The following CAPRIN1 variants were observed in gnomAD, a reference collection of about 807,000 sequenced individuals.
CAPRIN1 encodes cell cycle associated protein 1, also known as caprin-1.
Under a neutral mutation model 100.9 loss-of-function variants are expected in CAPRIN1, and 29 were observed. The observed-to-expected ratio is 0.29, with a 90% CI of 0.21 to 0.39. CAPRIN1 has a LOEUF of 0.39. CAPRIN1 is among the 10% of genes least tolerant of loss of function. The pLI, the probability that CAPRIN1 is intolerant of heterozygous loss-of-function variation, is 1.00. For synonymous variants in CAPRIN1, 338 were observed against 307.5 expected, an observed-to-expected ratio of 1.10 and a Z score of -1.04; for missense variants, 795 against 876.7, an observed-to-expected ratio of 0.91 and a Z score of 1.18.
chr11:34,082,832 G>T lies in CAPRIN1; in HGVS notation c.834G>T (p.Glu278Asp). Reference protein sequence around the residue: ...VEDQVPEAEPEPAEEYTEQSE... With the variant: ...VEDQVPEAEPDPAEEYTEQSE... ...CATTTTTTAACCTCTTAGAACCTGAGCCAGCAGAAGAGTACACTGAGCAAA... is the reference window on the plus strand; with the variant it reads ...CATTTTTTAACCTCTTAGAACCTGATCCAGCAGAAGAGTACACTGAGCAAA... The change falls in exon 8 of 19, where the codon GAG becomes GAT. Residue 278 changes from glutamate to aspartate, a missense_variant. By Grantham distance (45) the Glu-to-Asp change is conservative. Around this residue, in one of 3 missense-constraint regions of CAPRIN1, gnomAD observed 648 missense variants for 697.9 expected, o/e 0.93. Coordinates refer to ENST00000341394, the MANE Select transcript of CAPRIN1 (RefSeq NM_005898.5). 6.2e-7 allele frequency: 1 copy of T among 1,613,482 alleles called. No homozygotes were observed. The highest frequency in any genetic ancestry group is 1.1e-5 in the South Asian group (1 of 91,060).
At chr11:34,077,898 T>C (rs1220018258) in intron 6 of CAPRIN1, among the ~76,000 whole-genome samples, 1 of 152,228 alleles carries the variant, frequency 6.6e-6, no homozygotes, top group Non-Finnish European at 1.5e-5. Flanking sequence ...TTGCTTTTAG[T>C]TCTGCAAGTT....
chr11:34,083,973 G>A (rs1851083534), intron 9 of CAPRIN1, among the ~76,000 whole-genome samples: 1 of 152,116 alleles, frequency 6.6e-6, no homozygotes, highest in South Asian at 2.1e-4. Context: ...GGAGGCTGAG[G>A]TACGAGAATC....
chr11:34,076,189 GT>G, intron 4 of CAPRIN1, 46 bp from the exon 5 acceptor site: 1 of 1,440,536 alleles, frequency 6.9e-7, no homozygotes, highest in South Asian at 1.2e-5. Context: ...ATTGAACTAA[GT>G]TTTATATAAC....
chr11:34,081,378 C>T (rs1387213045), intron 7 of CAPRIN1, among the ~76,000 whole-genome samples: 6 of 151,662 alleles, frequency 4.0e-5, no homozygotes, highest in Non-Finnish European at 7.4e-5. Context: ...TTTGTATTTT[C>T]AGTAGAGATG....
chr11:34,076,669 T>G (rs1365693783), intron 6 of CAPRIN1, 27 bp downstream of exon 6: 2 of 1,438,762 alleles, frequency 1.4e-6, no homozygotes, highest in Admixed American at 3.7e-5. Flanking sequence ...TAACTTTGAT[T>G]TTATAACTAG....
chr11:34,055,196 C>G (rs1162191435), intron 2 of CAPRIN1, among the ~76,000 whole-genome samples: 2 of 152,062 alleles, frequency 1.3e-5, no homozygotes, highest in Non-Finnish European at 2.9e-5. Flanking sequence ...GTTGCCCAGG[C>G]TGGAGTGCCC....
intron 15 of CAPRIN1, among the ~76,000 whole-genome samples, chr11:34,094,394 A>G (rs1353273457): frequency 6.6e-6 from 1 of 152,206 alleles, no homozygotes; most frequent in Non-Finnish European, 1.5e-5. Flanking sequence ...ATGTCCCATC[A>G]TTTTAGAAAT....
intron 18 of CAPRIN1, chr11:34,098,522 C>G: frequency 3.0e-6 from 3 of 985,312 alleles, no homozygotes; most frequent in Non-Finnish European, 3.6e-6. Context: ...AACAGGTTTC[C>G]TCTATTGGCC....
In CAPRIN1 at chr11:34,100,111, T is replaced by C. The variant is rs1851431331; in HGVS notation, c.*744T>C. 6.6e-6 allele frequency: 1 copy of C among 152,652 alleles called. No individual in the cohort carries two copies. The highest frequency in any genetic ancestry group is 1.5e-5 in the Non-Finnish European group (1 of 68,040). The allele number at this position is 152,652 out of a possible 1,614,324, so 9.5% of individuals were successfully genotyped here. On this transcript the variant is annotated 3_prime_UTR_variant, in exon 19 of 19. Coordinates refer to ENST00000341394, the MANE Select transcript of CAPRIN1 (RefSeq NM_005898.5). Reference sequence around the variant, plus strand: ...TCCGGATGGCCGCTTCTGTACTTAATGTGAAATATTTAGATACCTTTTTGA... The same window carrying C: ...TCCGGATGGCCGCTTCTGTACTTAACGTGAAATATTTAGATACCTTTTTGA...
chr11:34,080,061 C>T (rs1397760880), intron 7 of CAPRIN1, among the ~76,000 whole-genome samples: 14 of 151,856 alleles, frequency 9.2e-5, no homozygotes, highest in Non-Finnish European at 2.1e-4. Context: ...GCAGCTGTGA[C>T]TACAGGCGCC....
Position 34,079,680 on chromosome 11 carries a change from C to T in CAPRIN1, c.741C>T (p.Asp247=), listed in dbSNP as rs544966745. 1.1e-4 allele frequency: 175 copies of T among 1,614,000 alleles called. 2 individuals are homozygous for T. In the South Asian group the frequency reaches 1.4e-3, roughly 13 times the overall value. ...GTGTTTTTCAGTCAAACTACTTTGA[C>T]AGCACCCACAACCACCAGAATGGGC... ...VERVFQSNYF[D]STHNHQNGLC... The change falls in exon 7 of 19, where the codon GAC becomes GAT. Residue 247 remains aspartate, a synonymous_variant. Transcript: ENST00000341394.
intron 12 of CAPRIN1, among the ~76,000 whole-genome samples, chr11:34,089,731 T>G (rs1354401610): frequency 6.6e-6 from 1 of 152,140 alleles, no homozygotes; most frequent in Non-Finnish European, 1.5e-5. Flanking sequence ...TTCAGCAAAT[T>G]TATTGTTGTG....
chr11:34,089,482 C>CAGGG, intron 12 of CAPRIN1, 26 bp downstream of exon 12: 1 of 1,437,210 alleles, frequency 7.0e-7, no homozygotes, highest in Admixed American at 1.7e-5. Flanking sequence ...CTATTTTCTT[C>CAGGG]AGGGCCAGGT....
chr11:34,059,079 C>T (rs942965369), intron 2 of CAPRIN1, among the ~76,000 whole-genome samples: 1 of 152,146 alleles, frequency 6.6e-6, no homozygotes, highest in African/African-American at 2.4e-5. Flanking sequence ...CTTTCACTAG[C>T]TCTACTACAG....
Position 34,102,277 on chromosome 11 carries a change from T to C in CAPRIN1, c.*2910T>C, listed in dbSNP as rs879296421. Reference sequence around the variant, plus strand: ...TAAGTGTTTTAGGACATTTGTTCATTATATTTTCCGTCATATAACTAGAGG... The same window carrying C: ...TAAGTGTTTTAGGACATTTGTTCATCATATTTTCCGTCATATAACTAGAGG... On this transcript the variant is annotated 3_prime_UTR_variant, in exon 19 of 19. Coordinates refer to ENST00000341394, the MANE Select transcript of CAPRIN1 (RefSeq NM_005898.5). Among the ~76,000 whole-genome samples the C allele has an allele frequency of 6.6e-6, 1 of 152,216 alleles. No homozygotes were observed. The highest frequency in any genetic ancestry group is 1.5e-5 in the Non-Finnish European group (1 of 68,022).
chr11:34,097,910 T>TA, intron 18 of CAPRIN1, 149 bp downstream of exon 18: 1 of 1,403,254 alleles, frequency 7.1e-7, no homozygotes, highest in Non-Finnish European at 9.3e-7. Context: ...TTCTAAAACT[T>TA]AATCTTGGAC....
chr11:34,052,762 C>T (rs1263024401), intron 2 of CAPRIN1, 126 bp downstream of exon 2: 6 of 1,409,924 alleles, frequency 4.3e-6, no homozygotes, highest in Non-Finnish European at 2.9e-6. Flanking sequence ...TCCTCCCACC[C>T]CCTGGCCCAC....
At chr11:34,057,507 A>G (rs1050272611) in intron 2 of CAPRIN1, among the ~76,000 whole-genome samples, 10 of 152,236 alleles carry the variant, frequency 6.6e-5, no homozygotes, top group African/African-American at 2.2e-4. Context: ...CAGATTAAGC[A>G]TACAATTTGC....
chr11:34,061,799 C>T (rs914883576), intron 2 of CAPRIN1, among the ~76,000 whole-genome samples: 12 of 151,560 alleles, frequency 7.9e-5, no homozygotes, highest in South Asian at 6.3e-4. Context: ...GGTGAAACCC[C>T]GTCTCTACTA....
Sources: gnomAD v4.1 joint callset for allele counts (sites outside exome capture counted in the v4.1 genomes callset) on GRCh38, gnomAD v4.1.1 for gene constraint, gnomAD v4.1.1 regional missense constraint, MANE v1.5 for transcripts, NCBI Gene and HGNC (gene_info 2026-07-23, HGNC 2026-07-21) for gene names.